EPHB1: variants seen among roughly 807,000 people sequenced by gnomAD.
The protein encoded by EPHB1 is ephrin type-B receptor 1.
Under a neutral mutation model 94.4 loss-of-function variants are expected in EPHB1, and 30 were observed. The ratio of observed to expected loss-of-function variants is 0.32; its 90% CI spans 0.24 to 0.43. The LOEUF is 0.43. EPHB1 is among the 20% of genes least tolerant of loss of function. The pLI is 1.00. For missense variants in EPHB1, 1,055 were observed against 1,308.3 expected, an observed-to-expected ratio of 0.81 and a Z score of 2.99; for synonymous variants, 522 against 489.1, an observed-to-expected ratio of 1.07 and a Z score of -0.89.
intron 3 of EPHB1, among the ~76,000 whole-genome samples, chr3:134,998,010 A>G (rs1005130355): frequency 6.6e-5 from 10 of 152,134 alleles, no homozygotes; most frequent in African/African-American, 2.4e-4. Flanking sequence ...TTATCTTCTC[A>G]GTTTGCACCA....
At chr3:135,070,834 T>A (rs1280771417) in intron 3 of EPHB1, among the ~76,000 whole-genome samples, 1 of 152,160 alleles carries the variant, frequency 6.6e-6, no homozygotes, top group African/African-American at 2.4e-5. Flanking sequence ...GATGGTAGGG[T>A]CAGAATGAGT....
intron 6 of EPHB1, chr3:135,154,530 G>A (rs1056261431): frequency 3.5e-5 from 14 of 394,792 alleles, no homozygotes; most frequent in African/African-American, 2.8e-4. Flanking sequence ...TTCACTGGCT[G>A]GGAAGGACCA....
intron 4 of EPHB1, among the ~76,000 whole-genome samples, chr3:135,126,603 A>G (rs1940218418): frequency 6.6e-6 from 1 of 152,276 alleles, no homozygotes; most frequent in South Asian, 2.1e-4. Context: ...CCCTTGGTAG[A>G]AGTGCTTGCT....
chr3:135,068,600 G>A (rs1222233237), intron 3 of EPHB1, among the ~76,000 whole-genome samples: 2 of 149,960 alleles, frequency 1.3e-5, no homozygotes, highest in East Asian at 3.9e-4. Context: ...TTTATGAGTT[G>A]TATTTTCACG....
chr3:135,114,548 A>AAAG (rs1939599689), intron 4 of EPHB1, among the ~76,000 whole-genome samples: 1 of 142,578 alleles, frequency 7.0e-6, no homozygotes, highest in African/African-American at 2.7e-5. Flanking sequence ...AAAAAAAAAA[A>AAAG]AAAAAAAAAA....
At chr3:135,245,357 A>G (rs116098896) in intron 13 of EPHB1, among the ~76,000 whole-genome samples, 1,899 of 152,264 alleles carry the variant, frequency 0.012, 43 homozygotes, top group African/African-American at 0.043. Flanking sequence ...AGGTCTATGC[A>G]CTATGTAGTA....
At chr3:134,992,040 CT>C (rs368141172) in intron 3 of EPHB1, among the ~76,000 whole-genome samples, 3 of 152,056 alleles carry the variant, frequency 2.0e-5, no homozygotes, top group Admixed American at 6.6e-5. Flanking sequence ...TCAGCCCCCA[CT>C]TTTTTTTAGC....
At chr3:134,889,347 G>T (rs1241562827) in intron 1 of EPHB1, among the ~76,000 whole-genome samples, 2 of 152,010 alleles carry the variant, frequency 1.3e-5, no homozygotes, top group Non-Finnish European at 2.9e-5. Context: ...AGTCTTCAAA[G>T]AAACTTGACC....
At chr3:135,033,148 C>G (rs1418947916) in intron 3 of EPHB1, among the ~76,000 whole-genome samples, 1 of 152,174 alleles carries the variant, frequency 6.6e-6, no homozygotes, top group Non-Finnish European at 1.5e-5. Flanking sequence ...GACTTCAATG[C>G]AGGATTCAGT....
intron 4 of EPHB1, among the ~76,000 whole-genome samples, chr3:135,112,504 G>A (rs1027072885): frequency 1.1e-4 from 17 of 150,914 alleles, no homozygotes; most frequent in African/African-American, 3.2e-4. Context: ...TTGTCATTTA[G>A]CATTAGGTAT....
chr3:135,080,529 G>A (rs1938127165), intron 3 of EPHB1, among the ~76,000 whole-genome samples: 1 of 152,104 alleles, frequency 6.6e-6, no homozygotes. Context: ...ATCGTCAGAG[G>A]TCCAAGATTG....
chr3:135,260,267 TA>T lies in EPHB1; in HGVS notation c.*1149del, dbSNP rs2107736803. On this transcript the variant is annotated 3_prime_UTR_variant, in exon 16 of 16. Coordinates refer to ENST00000398015, the MANE Select transcript of EPHB1 (RefSeq NM_004441.5). Reference sequence around the variant, plus strand: ...TTCTTGCTTTACCTATGGACTGGCTTAAGCCGTGTGGCATCCGAGGAATGTT... The same window carrying T: ...TTCTTGCTTTACCTATGGACTGGCTTAGCCGTGTGGCATCCGAGGAATGTT... 1 of 233,148 alleles carries T rather than the reference TA, an allele frequency of 4.3e-6. No individual in the cohort carries two copies. Among genetic ancestry groups the T allele is most frequent in the East Asian group, 6.1e-5 (1 of 16,502 alleles). The allele number at this position is 233,148 out of a possible 1,614,324, so 14.4% of individuals were successfully genotyped here.
At position 135,038,201 on chromosome 3, in the gene EPHB1, G is replaced by T. The variant is rs1936709736; in HGVS notation, c.806-68247G>T. Among the ~76,000 whole-genome samples the T allele has an allele frequency of 3.3e-5, 5 of 152,216 alleles. No individual in the cohort carries two copies. The South Asian group carries it at 1.0e-3, about 32-fold the overall frequency. ...TGTGTGAGTTTACTTTTCACCCGTG[G>T]TGGGGTAGGAATGACAGAAAATTCT... On this transcript the variant is annotated intron_variant, in intron 3 of 15. Transcript: ENST00000398015.
rs547681154 is a variant in EPHB1, at chr3:134,801,718, C to T, written c.58+6029C>T. Among the ~76,000 whole-genome samples the T allele has an allele frequency of 2.0e-5, 3 of 152,318 alleles. No homozygotes were observed. In the East Asian group the frequency reaches 5.8e-4, roughly 29 times the overall value. On this transcript the variant is annotated intron_variant, in intron 1 of 15. Transcript: ENST00000398015. Reference sequence around the variant, plus strand: ...TGCATGAGAAATTCTTCAGCTTCTTCTGCAGATTCCATTTCAAGTGGCAGC... The same window carrying T: ...TGCATGAGAAATTCTTCAGCTTCTTTTGCAGATTCCATTTCAAGTGGCAGC...
At chr3:134,909,111 G>GGCGGA (rs1305507885) in intron 1 of EPHB1, among the ~76,000 whole-genome samples, 1 of 108,024 alleles carries the variant, frequency 9.3e-6, no homozygotes, top group African/African-American at 3.6e-5. Flanking sequence ...ACACAAGGTG[G>GGCGGA]GGGCGGGGGG....
chr3:135,259,068 G>A lies in EPHB1; in HGVS notation c.2903G>A (p.Ser968Asn), dbSNP rs1933538267. Residue 968 changes from serine (S) to asparagine (N), a missense_variant, in exon 16 of 16, where the codon AGC becomes AAC. By Grantham distance (46) the Ser-to-Asn change is conservative. Coordinates refer to ENST00000398015, the MANE Select transcript of EPHB1 (RefSeq NM_004441.5). ...LAGHQKKILN[S>N]IHSMRVQISQ... ...GGCCATCAGAAGAAGATCCTGAACA[G>A]CATTCATTCTATGAGGGTCCAGATA... 1.9e-6 allele frequency: 3 copies of A among 1,610,948 alleles called. No homozygotes were observed. Among genetic ancestry groups the A allele is most frequent in the Non-Finnish European group, 2.5e-6 (3 of 1,178,748 alleles).
At chr3:134,852,032 G>A (rs1376496910) in intron 1 of EPHB1, among the ~76,000 whole-genome samples, 1 of 152,178 alleles carries the variant, frequency 6.6e-6, no homozygotes, top group Non-Finnish European at 1.5e-5. Context: ...AGGGCTACAA[G>A]GGTTTAAGTT....
chr3:134,928,080 T>A (rs1041811620), intron 2 of EPHB1, among the ~76,000 whole-genome samples: 1 of 152,258 alleles, frequency 6.6e-6, no homozygotes, highest in Non-Finnish European at 1.5e-5. Flanking sequence ...CTGCCACCTC[T>A]TTCACTGGAT....
chr3:135,081,289 A>G (rs115222404), intron 3 of EPHB1, among the ~76,000 whole-genome samples: 2,184 of 152,324 alleles, frequency 0.014, 33 homozygotes, highest in South Asian at 0.042. Flanking sequence ...ACTTTAGAAA[A>G]AAAACCTGTG....
Sources: gnomAD v4.1 joint callset for allele counts (sites outside exome capture counted in the v4.1 genomes callset) on GRCh38, gnomAD v4.1.1 for gene constraint, MANE v1.5 for transcripts, NCBI Gene and HGNC (gene_info 2026-07-23, HGNC 2026-07-21) for gene names.